Variants in ANKRD26 observed in about 807,000 individuals in gnomAD.
ANKRD26 encodes the protein ankyrin repeat domain-containing protein 26.
ANKRD26 carries 141 observed loss-of-function variants against 208.7 expected under a neutral mutation model. The ratio of observed to expected loss-of-function variants is 0.68; its 90% CI spans 0.59 to 0.78. The LOEUF is 0.78. Ranked by LOEUF, ANKRD26 falls within the 30% of genes least tolerant of loss-of-function variation. The probability of loss-of-function intolerance (pLI) is 0.00; values close to 1 mark genes in which losing one functional copy is unlikely to be tolerated. For missense variants in ANKRD26, 1,889 were observed against 1,938.7 expected (o/e 0.97, Z 0.48); for synonymous variants, 636 against 660.4 (o/e 0.96, Z 0.57).
chr10:27,098,769 T>G (rs2056550062), intron 1 of ANKRD26, among the ~76,000 whole-genome samples: 1 of 151,884 alleles, frequency 6.6e-6, no homozygotes, highest in Admixed American at 6.6e-5. Flanking sequence ...CAGGATGGTC[T>G]CGATCTCCTG....
At chr10:26,994,261 A>G (rs10829155) in intron 5 of ANKRD26, among the ~76,000 whole-genome samples, 94,439 of 151,992 alleles carry the variant, frequency 0.62, 30,045 homozygotes, top group East Asian at 0.72. Flanking sequence ...TTGGCCCCAT[A>G]GAAGGGCTTC....
downstream of ANKRD26, among the ~76,000 whole-genome samples, chr10:26,987,230 T>G (rs1249321469): frequency 6.6e-6 from 1 of 151,214 alleles, no homozygotes; most frequent in Non-Finnish European, 1.5e-5. Flanking sequence ...AATTGAACAA[T>G]GAGAACACAT....
At chr10:27,037,818 AT>A in intron 22 of ANKRD26, 52 bp downstream of exon 22, 1 of 1,357,902 alleles carries the variant, frequency 7.4e-7, no homozygotes. Flanking sequence ...GGATGTGATA[AT>A]AGTGATGAAA....
chr10:26,988,034 C>CCTAA (rs2052419661), downstream of ANKRD26, among the ~76,000 whole-genome samples: 1 of 152,120 alleles, frequency 6.6e-6, no homozygotes, highest in African/African-American at 2.4e-5. Flanking sequence ...GTTAGGGTGC[C>CCTAA]CTAAGCCTGG....
chr10:27,062,827 G>C (rs928802528), intron 12 of ANKRD26, among the ~76,000 whole-genome samples: 1 of 151,070 alleles, frequency 6.6e-6, no homozygotes, highest in African/African-American at 2.4e-5. Flanking sequence ...GAGTGCAGTG[G>C]CACAATCTCG....
At chr10:26,956,881 G>A in the ANKRD26 span, among the ~76,000 whole-genome samples, 1 of 152,168 alleles carries the variant, frequency 6.6e-6, no homozygotes, top group Non-Finnish European at 1.5e-5. Context: ...TTAAAATAGT[G>A]CATTGGGAGT....
chr10:27,090,025 A>T (rs1011033727), intron 4 of ANKRD26, among the ~76,000 whole-genome samples: 1 of 152,228 alleles, frequency 6.6e-6, no homozygotes, highest in Non-Finnish European at 1.5e-5. Context: ...AACCACTAAC[A>T]ACAGCATATT....
rs1010605538 is a variant in ANKRD26, at chr10:27,092,566, G to A, written c.532-54C>T. On this transcript the variant is annotated intron_variant, in intron 3 of 33. Coordinates refer to ENST00000376087, the MANE Select transcript of ANKRD26 (RefSeq NM_014915.3). ...GCATAAAATTACATAATTCTCGGCTGAACTGAAAACTCTATGTCAGATCCT... is the reference window on the plus strand; with the variant it reads ...GCATAAAATTACATAATTCTCGGCTAAACTGAAAACTCTATGTCAGATCCT... 2.3e-6 allele frequency: 3 copies of A among 1,328,584 alleles called. No homozygotes were observed. The African/African-American group carries it at 4.3e-5, about 19-fold the overall frequency. The allele number at this position is 1,328,584 out of a possible 1,614,324, so 82.3% of individuals were successfully genotyped here. A position where few individuals can be genotyped will look rare whatever the true frequency, so the allele number is the denominator to read the frequency against.
chr10:27,000,801 C>G (rs968038318), downstream of ANKRD26, among the ~76,000 whole-genome samples: 5 of 151,990 alleles, frequency 3.3e-5, no homozygotes, highest in African/African-American at 7.3e-5. Context: ...GTCAGGAGAT[C>G]GAGACCATCC....
At chr10:27,041,743 C>T (rs1044457206) in intron 20 of ANKRD26, among the ~76,000 whole-genome samples, 2 of 151,640 alleles carry the variant, frequency 1.3e-5, no homozygotes, top group African/African-American at 2.4e-5. Context: ...GGAAAAAAAT[C>T]CAAGCAGCTA....
intron 23 of ANKRD26, 136 bp from the exon 24 acceptor site, chr10:27,035,888 A>T (rs1301561233): frequency 2.9e-6 from 2 of 680,620 alleles, no homozygotes; most frequent in Admixed American, 5.9e-5. Flanking sequence ...AAAAAAAAAA[A>T]GTTGGATCAA....
At chr10:26,990,643 T>C (rs557967644), downstream of ANKRD26, among the ~76,000 whole-genome samples, 4 of 152,124 alleles carry the variant, frequency 2.6e-5, no homozygotes, top group Non-Finnish European at 5.9e-5. Flanking sequence ...CCAGACACCC[T>C]CACATGATCT....
chr10:27,031,105 T>A (rs528764265), intron 25 of ANKRD26, among the ~76,000 whole-genome samples: 1 of 152,296 alleles, frequency 6.6e-6, no homozygotes, highest in East Asian at 1.9e-4. Flanking sequence ...CAGGTCTGAA[T>A]GAATGAGGCT....
At chr10:27,060,627 T>G (rs2055020941) in intron 13 of ANKRD26, 87 bp from the exon 14 acceptor site, 1 of 1,000,876 alleles carries the variant, frequency 1.0e-6, no homozygotes, top group African/African-American at 1.6e-5. Flanking sequence ...ATGACCAGAA[T>G]CATCACGCTT....
intron 4 of ANKRD26, among the ~76,000 whole-genome samples, chr10:26,996,403 T>C (rs930426723): frequency 1.3e-5 from 2 of 151,972 alleles, no homozygotes; most frequent in African/African-American, 4.8e-5. Context: ...CTACTAAAAA[T>C]ACAAAAATCA....
At chr10:27,001,737 G>A (rs2052730340), downstream of ANKRD26, among the ~76,000 whole-genome samples, 1 of 152,166 alleles carries the variant, frequency 6.6e-6, no homozygotes, top group African/African-American at 2.4e-5. Flanking sequence ...CCCCAGCCCT[G>A]AGGTAGCCCT....
intron 3 of ANKRD26, among the ~76,000 whole-genome samples, chr10:26,983,079 G>T (rs1272294991): frequency 6.6e-6 from 1 of 152,132 alleles, no homozygotes; most frequent in Non-Finnish European, 1.5e-5. Flanking sequence ...CATATCTAAC[G>T]CCATACAATT....
Position 27,022,640 on chromosome 10 carries a change from T to G in ANKRD26, c.4133A>C (p.Glu1378Ala), listed in dbSNP as rs762411404. 4 of 1,579,552 alleles carry G rather than the reference T, an allele frequency of 2.5e-6. No individual in the cohort carries two copies. The East Asian group carries it at 6.8e-5, about 27-fold the overall frequency. The change falls in exon 29 of 34, where the codon GAA becomes GCA. Residue 1378 changes from glutamate (E) to alanine (A), a missense_variant. By Grantham distance (107) the Glu-to-Ala change is moderately radical (BLOSUM62 -1). Around this residue, in one of 3 missense-constraint regions of ANKRD26, gnomAD observed 613 missense variants for 648.2 expected, o/e 0.95. Transcript: ENST00000376087. ...TCCATGGAAACTAAATTCTCCATTT[T>G]CATATTCATTTAACTTCTTTCTTGT... ...KMTRKKLNEY[E>A]NGEFSFHGDL...
In ANKRD26 at chr10:27,005,418, A is replaced by G; in HGVS notation, c.*172T>C. 1 of 1,347,764 alleles carries G rather than the reference A, an allele frequency of 7.4e-7. No homozygotes were observed. The highest frequency in any genetic ancestry group is 9.5e-7 in the Non-Finnish European group (1 of 1,051,784). 83.5% of individuals were successfully genotyped at this position (1,347,764 alleles called of 1,614,324 possible). ...AATATTCCTGGTTTTCATTGGCAAA[A>G]TCCACTTAAAAGTTAAAGAAGCCAA... On this transcript the variant is annotated 3_prime_UTR_variant, in exon 34 of 34. Coordinates refer to ENST00000376087, the MANE Select transcript of ANKRD26 (RefSeq NM_014915.3).
Sources: allele counts gnomAD v4.1 joint callset (sites outside exome capture counted in the v4.1 genomes callset), GRCh38; gene constraint gnomAD v4.1.1; regional missense constraint gnomAD v4.1.1; transcripts MANE v1.5; gene names NCBI Gene and HGNC (gene_info 2026-07-23, HGNC 2026-07-21).